The following PEX5L variants were observed in gnomAD, a reference collection of about 807,000 sequenced individuals.
PEX5L encodes peroxisomal biogenesis factor 5 like.
Under a neutral mutation model 84.0 loss-of-function variants are expected in PEX5L, and 30 were observed. The ratio of observed to expected loss-of-function variants is 0.36; its 90% CI spans 0.27 to 0.48. The LOEUF (loss-of-function observed/expected upper bound fraction) is 0.48. Among genes scored for constraint, PEX5L ranks in the 20% least tolerant of loss-of-function variants. PEX5L has a pLI of 0.99. For synonymous variants in PEX5L, 270 were observed against 283.1 expected, an observed-to-expected ratio of 0.95 and a Z score of 0.46; for missense variants, 533 against 754.6, an observed-to-expected ratio of 0.71 and a Z score of 3.44.
intron 3 of PEX5L, among the ~76,000 whole-genome samples, chr3:179,888,432 G>A (rs746258127): frequency 2.0e-5 from 3 of 151,774 alleles, no homozygotes; most frequent in African/African-American, 4.8e-5. Flanking sequence ...AATATATCTC[G>A]GTAGATTCAA....
chr3:180,021,341 T>C (rs894461730), intron 1 of PEX5L, among the ~76,000 whole-genome samples: 1 of 152,128 alleles, frequency 6.6e-6, no homozygotes, highest in African/African-American at 2.4e-5. Flanking sequence ...TTATAAGTCA[T>C]ATATTATTGT....
chr3:179,838,187 A>T (rs1346087639), intron 8 of PEX5L, among the ~76,000 whole-genome samples: 2 of 152,166 alleles, frequency 1.3e-5, no homozygotes, highest in African/African-American at 4.8e-5. Context: ...CTTATTACCT[A>T]GTACTAATAA....
chr3:179,852,195 G>A (rs528255240), intron 8 of PEX5L, among the ~76,000 whole-genome samples: 129 of 152,284 alleles, frequency 8.5e-4, no homozygotes, highest in African/African-American at 2.9e-3. Context: ...GCTGCTGGCT[G>A]GGCCTGCAGT....
intron 1 of PEX5L, among the ~76,000 whole-genome samples, chr3:180,009,133 C>T (rs890555245): frequency 2.0e-5 from 3 of 152,172 alleles, no homozygotes; most frequent in Non-Finnish European, 4.4e-5. Flanking sequence ...ATGTGTTATG[C>T]TCTCTTCTTC....
intron 2 of PEX5L, among the ~76,000 whole-genome samples, chr3:179,965,487 G>A (rs1016343048): frequency 1.3e-5 from 2 of 152,174 alleles, no homozygotes; most frequent in African/African-American, 2.4e-5. Flanking sequence ...CTTAGTAAGC[G>A]GCAGGGCCAG....
At chr3:179,971,473 T>G in intron 2 of PEX5L, 121 bp downstream of exon 2, 1 of 1,291,222 alleles carries the variant, frequency 7.7e-7, no homozygotes, top group Non-Finnish European at 9.8e-7. Flanking sequence ...CAAAATCTTG[T>G]TATGCAGGCT....
At chr3:179,842,710 C>T (rs1277409282) in intron 8 of PEX5L, among the ~76,000 whole-genome samples, 1 of 152,022 alleles carries the variant, frequency 6.6e-6, no homozygotes, top group African/African-American at 2.4e-5. Flanking sequence ...TCTGAGAAAA[C>T]TAAGGAAAGC....
Position 179,974,963 on chromosome 3 carries a change from T to A in PEX5L, c.22-3298A>T, listed in dbSNP as rs6787514. ...TGTAATCCCAGCACTTTGGGAGGCC[T>A]AGGCAGGAGGATCACTTGAGGCCAG... On this transcript the variant is annotated intron_variant, in intron 1 of 14. Transcript: ENST00000467460. Among the ~76,000 whole-genome samples, 457 of 152,080 alleles carry A rather than the reference T, an allele frequency of 3.0e-3. 2 individuals carry two copies. Among genetic ancestry groups the A allele is most frequent in the African/African-American group, 0.011 (436 of 41,492 alleles).
chr3:179,933,190 T>G (rs116386587), intron 2 of PEX5L, among the ~76,000 whole-genome samples: 34 of 152,368 alleles, frequency 2.2e-4, no homozygotes, highest in Non-Finnish European at 2.5e-4. Flanking sequence ...CTTGAATTGT[T>G]TTTAGCACTG....
chr3:180,011,161 G>A (rs771294841), intron 1 of PEX5L, among the ~76,000 whole-genome samples: 14 of 152,046 alleles, frequency 9.2e-5, no homozygotes, highest in Non-Finnish European at 1.9e-4. Context: ...CTTAGTGGTC[G>A]TCACCTAAAA....
intron 1 of PEX5L, among the ~76,000 whole-genome samples, chr3:179,976,954 G>A (rs1299610008): frequency 1.3e-5 from 2 of 152,126 alleles, no homozygotes; most frequent in African/African-American, 4.8e-5. Context: ...CATGAAGCAA[G>A]AAAGTAACAG....
At chr3:179,869,775 T>C (rs1231867126) in intron 7 of PEX5L, among the ~76,000 whole-genome samples, 1 of 152,256 alleles carries the variant, frequency 6.6e-6, no homozygotes, top group East Asian at 1.9e-4. Context: ...GAAACTTTTC[T>C]GCAATTTAGC....
chr3:179,868,045 T>C (rs13087751), intron 7 of PEX5L, among the ~76,000 whole-genome samples: 3,558 of 105,826 alleles, frequency 0.034, 120 homozygotes, highest in African/African-American at 0.1. Flanking sequence ...TCTTCTTCTT[T>C]TTTTTTTTTT....
chr3:179,997,413 A>T (rs187338315), intron 1 of PEX5L, among the ~76,000 whole-genome samples: 8 of 152,332 alleles, frequency 5.3e-5, no homozygotes, highest in Non-Finnish European at 7.3e-5. Context: ...TAATTGGCAT[A>T]GACATGCTTA....
intron 1 of PEX5L, among the ~76,000 whole-genome samples, chr3:179,992,597 G>A (rs1787481896): frequency 6.6e-6 from 1 of 152,114 alleles, no homozygotes; most frequent in Non-Finnish European, 1.5e-5. Context: ...GAGATGCAGT[G>A]GAAACGTAAC....
intron 12 of PEX5L, among the ~76,000 whole-genome samples, chr3:179,808,898 C>T (rs1028848106): frequency 2.0e-5 from 3 of 151,324 alleles, no homozygotes; most frequent in Non-Finnish European, 2.9e-5. Context: ...TAAGGTGAAA[C>T]CCCGTCTCTA....
chr3:179,990,558 C>A (rs1787285886), intron 1 of PEX5L, among the ~76,000 whole-genome samples: 1 of 152,050 alleles, frequency 6.6e-6, no homozygotes, highest in African/African-American at 2.4e-5. Flanking sequence ...AGCACCACAC[C>A]AAACTATTTT....
At chr3:180,016,506 A>G (rs1295858053) in intron 1 of PEX5L, among the ~76,000 whole-genome samples, 2 of 152,190 alleles carry the variant, frequency 1.3e-5, no homozygotes, top group Non-Finnish European at 2.9e-5. Flanking sequence ...CCTTGAATAT[A>G]CCTGGTTCAA....
intron 3 of PEX5L, among the ~76,000 whole-genome samples, chr3:179,897,373 A>C (rs1759703475): frequency 6.6e-6 from 1 of 152,126 alleles, no homozygotes; most frequent in Admixed American, 6.6e-5. Flanking sequence ...AGTTCCACAG[A>C]GTGGTGATGA....
Sources: gnomAD v4.1 joint callset for allele counts (sites outside exome capture counted in the v4.1 genomes callset) on GRCh38, gnomAD v4.1.1 for gene constraint, MANE v1.5 for transcripts, NCBI Gene and HGNC (gene_info 2026-07-23, HGNC 2026-07-21) for gene names.